ALPK2: variants seen among roughly 807,000 people sequenced by gnomAD.
ALPK2 encodes alpha-protein kinase 2.
ALPK2 carries 127 observed loss-of-function variants against 163.1 expected under a neutral mutation model. The observed-to-expected ratio is 0.78, with a 90% CI of 0.67 to 0.90. The LOEUF (loss-of-function observed/expected upper bound fraction) is 0.90. Among genes scored for constraint, ALPK2 ranks in the 40% least tolerant of loss-of-function variants. The pLI, the probability that ALPK2 is intolerant of heterozygous loss-of-function variation, is 0.00. For missense variants in ALPK2, 2,360 were observed against 2,589.6 expected (o/e 0.91, Z 1.92); for synonymous variants, 953 against 959.1 (o/e 0.99, Z 0.12).
chr18:58,564,073 T>G (rs2051838156), intron 4 of ALPK2, among the ~76,000 whole-genome samples: 1 of 151,348 alleles, frequency 6.6e-6, no homozygotes, highest in African/African-American at 2.4e-5. Context: ...AGGAATGGAG[T>G]TGATAAGTTT....
At chr18:58,494,806 C>G (rs771794093) in intron 12 of ALPK2, among the ~76,000 whole-genome samples, 5 of 152,204 alleles carry the variant, frequency 3.3e-5, no homozygotes, top group Admixed American at 6.5e-5. Flanking sequence ...TCCTTTCTTC[C>G]CCAGCTCATT....
chr18:58,484,899 C>G (rs1459396616), intron 12 of ALPK2, among the ~76,000 whole-genome samples: 1 of 152,092 alleles, frequency 6.6e-6, no homozygotes, highest in African/African-American at 2.4e-5. Flanking sequence ...ACAACTGATG[C>G]AACTGATGCG....
intron 3 of ALPK2, among the ~76,000 whole-genome samples, chr18:58,594,528 A>G (rs2052031731): frequency 6.6e-6 from 1 of 152,184 alleles, no homozygotes; most frequent in African/African-American, 2.4e-5. Context: ...AGCAGGACTA[A>G]GATGAATGCT....
rs1602206174 is a variant in ALPK2 at position 58,536,064 on chromosome 18, C to T, written c.4123G>A (p.Asp1375Asn). ...GKENVNNVSQ[D>N]QEEKQLKMDH... is the part of the protein sequence containing the mutation. ...ATCTTGAGTTGTTTTTCCTCCTGGT[C>T]TTGACTCACATTGTTAACATTTTCC... The change falls in exon 5 of 13, where the codon GAC becomes AAC. Residue 1375 changes from aspartate to asparagine, a missense_variant. Physicochemically the swap from Asp to Asn is conservative, Grantham distance 23. Transcript: ENST00000361673. 2 of 1,614,154 alleles carry T rather than the reference C, an allele frequency of 1.2e-6. No homozygotes were observed. Among genetic ancestry groups the T allele is most frequent in the Admixed American group, 1.7e-5 (1 of 60,020 alleles).
In ALPK2 at chr18:58,536,461, C is replaced by T. The variant is rs979174743; in HGVS notation, c.3726G>A (p.Glu1242=). 1.9e-6 allele frequency: 3 copies of T among 1,613,946 alleles called. No homozygotes were observed. Among genetic ancestry groups the T allele is most frequent in the Non-Finnish European group, 2.5e-6 (3 of 1,180,038 alleles). Residue 1242 remains glutamate (E), a synonymous_variant, in exon 5 of 13, where the codon GAG becomes GAA. Coordinates refer to ENST00000361673, the MANE Select transcript of ALPK2 (RefSeq NM_052947.4). ...AGNKLKIITL[E]ASASEIWPPR... Reference sequence around the variant, plus strand: ...GTGGCCAGATTTCAGAAGCGGAAGCCTCTAGAGTTATAATCTTCAGCTTGT... The same window carrying T: ...GTGGCCAGATTTCAGAAGCGGAAGCTTCTAGAGTTATAATCTTCAGCTTGT...
chr18:58,556,334 A>C (rs1195129511), intron 4 of ALPK2, among the ~76,000 whole-genome samples: 3 of 152,240 alleles, frequency 2.0e-5, no homozygotes. Flanking sequence ...CTCAGACCTA[A>C]AATGGAATTA....
At chr18:58,597,244 T>C (rs1014501143) in intron 3 of ALPK2, among the ~76,000 whole-genome samples, 1 of 152,026 alleles carries the variant, frequency 6.6e-6, no homozygotes, top group African/African-American at 2.4e-5. Context: ...GAGCTGAGAT[T>C]GTGCCACTGC....
chr18:58,616,633 C>T (rs899927074), intron 1 of ALPK2, among the ~76,000 whole-genome samples: 7 of 152,222 alleles, frequency 4.6e-5, no homozygotes, highest in Admixed American at 6.5e-5. Flanking sequence ...AACTCATCCA[C>T]ACACTGGGAG....
chr18:58,488,599 C>A (rs574629740), intron 12 of ALPK2, among the ~76,000 whole-genome samples: 1 of 151,506 alleles, frequency 6.6e-6, no homozygotes, highest in East Asian at 1.9e-4. Context: ...ACAGGCAAGG[C>A]AAACCCACTG....
chr18:58,539,925 T>G (rs1022167024), intron 4 of ALPK2, among the ~76,000 whole-genome samples: 6 of 152,216 alleles, frequency 3.9e-5, no homozygotes, highest in African/African-American at 1.4e-4. Context: ...AAAGCTACTT[T>G]GAGGTTCATT....
At chr18:58,518,292 A>C (rs1284757408) in intron 8 of ALPK2, among the ~76,000 whole-genome samples, 1 of 152,190 alleles carries the variant, frequency 6.6e-6, no homozygotes, top group Non-Finnish European at 1.5e-5. Context: ...AACTATAAGG[A>C]GACTGAAACT....
At chr18:58,490,939 C>G (rs1249696881) in intron 12 of ALPK2, among the ~76,000 whole-genome samples, 1 of 152,186 alleles carries the variant, frequency 6.6e-6, no homozygotes, top group African/African-American at 2.4e-5. Flanking sequence ...AGGAAGCACA[C>G]AGTCCATTCG....
At chr18:58,614,653 G>A (rs1250231323) in intron 1 of ALPK2, among the ~76,000 whole-genome samples, 1 of 151,276 alleles carries the variant, frequency 6.6e-6, no homozygotes, top group African/African-American at 2.4e-5. Context: ...TGAATTCCTG[G>A]GCTCAAGCCA....
At chr18:58,584,550 A>G (rs1028896759) in intron 3 of ALPK2, among the ~76,000 whole-genome samples, 7 of 152,148 alleles carry the variant, frequency 4.6e-5, no homozygotes, top group African/African-American at 1.7e-4. Context: ...TGTAGAGATC[A>G]TTCTGCAAAT....
At chr18:58,564,223 A>T (rs1051114908) in intron 4 of ALPK2, among the ~76,000 whole-genome samples, 3 of 144,404 alleles carry the variant, frequency 2.1e-5, no homozygotes, top group Non-Finnish European at 3.0e-5. Context: ...CCCTGGTTCA[A>T]GCGATTCTCC....
At chr18:58,501,295 T>A (rs2051430291) in intron 11 of ALPK2, among the ~76,000 whole-genome samples, 1 of 152,228 alleles carries the variant, frequency 6.6e-6, no homozygotes, top group South Asian at 2.1e-4. Context: ...CTGAATTTAA[T>A]ACAAAATTAA....
At chr18:58,571,496 C>T (rs1209055655) in intron 4 of ALPK2, among the ~76,000 whole-genome samples, 1 of 148,642 alleles carries the variant, frequency 6.7e-6, no homozygotes, top group Non-Finnish European at 1.5e-5. Flanking sequence ...CAAAATGGAT[C>T]ATTGGCTTCA....
chr18:58,596,257 G>A (rs1421260802), intron 3 of ALPK2, among the ~76,000 whole-genome samples: 1 of 152,224 alleles, frequency 6.6e-6, no homozygotes. Context: ...CTGCCGTTCT[G>A]TTGTCAGGGC....
Position 58,607,384 on chromosome 18 carries a change from A to G in ALPK2, c.165T>C (p.Ser55=), listed in dbSNP as rs2052103590. ...WYKNGQAIDG[S]GIISNYEFFE... ...AGAATTCATAGTTGGAAATAATGCC[A>G]CTCCCATCGATGGCCTGACCATTCT... is the stretch of plus-strand genomic sequence containing the variant. The change falls in exon 3 of 13, where the codon AGT becomes AGC. Residue 55 remains serine (S), a synonymous_variant. Coordinates refer to ENST00000361673, the MANE Select transcript of ALPK2 (RefSeq NM_052947.4). The G allele has an allele frequency of 1.4e-5, 23 of 1,613,386 alleles. No homozygotes were observed. The highest frequency in any genetic ancestry group is 1.9e-5 in the Non-Finnish European group (23 of 1,179,814).
Sources: gnomAD v4.1 joint callset for allele counts (sites outside exome capture counted in the v4.1 genomes callset) on GRCh38, gnomAD v4.1.1 for gene constraint, MANE v1.5 for transcripts, NCBI Gene and HGNC (gene_info 2026-07-23, HGNC 2026-07-21) for gene names.